Variants in ERBB4 observed in about 807,000 individuals in gnomAD.
ERBB4 encodes the protein receptor tyrosine-protein kinase erbB-4.
Under a neutral mutation model 158.0 loss-of-function variants are expected in ERBB4, and 42 were observed. The ratio of observed to expected loss-of-function variants is 0.27; its 90% CI spans 0.21 to 0.34. ERBB4 has a LOEUF of 0.34. Among genes scored for constraint, ERBB4 ranks in the 10% least tolerant of loss-of-function variants. ERBB4 has a pLI of 1.00. For missense variants in ERBB4, 1,333 were observed against 1,624.1 expected (o/e 0.82, Z 3.08); for synonymous variants, 583 against 558.7 (o/e 1.04, Z -0.61).
At chr2:212,026,200 C>T (rs1196039492) in intron 2 of ERBB4, among the ~76,000 whole-genome samples, 1 of 151,174 alleles carries the variant, frequency 6.6e-6, no homozygotes, top group Non-Finnish European at 1.5e-5. Flanking sequence ...AACATGTATT[C>T]AATAAATATT....
chr2:211,858,897 T>C (rs967117690), intron 3 of ERBB4, among the ~76,000 whole-genome samples: 1 of 152,172 alleles, frequency 6.6e-6, no homozygotes, highest in Non-Finnish European at 1.5e-5. Flanking sequence ...TTCTCCTGCC[T>C]TAGCCTCCCG....
At chr2:211,998,165 C>T (rs2076012070) in intron 2 of ERBB4, among the ~76,000 whole-genome samples, 1 of 151,564 alleles carries the variant, frequency 6.6e-6, no homozygotes, top group African/African-American at 2.4e-5. Context: ...CACATGTACC[C>T]TAAAACTTAA....
At chr2:211,871,527 T>C (rs1215497957) in intron 3 of ERBB4, among the ~76,000 whole-genome samples, 1 of 150,908 alleles carries the variant, frequency 6.6e-6, no homozygotes, top group Non-Finnish European at 1.5e-5. Context: ...AAAAACCCTC[T>C]AGTCATGGGT....
intron 4 of ERBB4, among the ~76,000 whole-genome samples, chr2:211,751,665 A>G (rs879303985): frequency 1.3e-5 from 2 of 152,194 alleles, no homozygotes; most frequent in Admixed American, 1.3e-4. Flanking sequence ...TATATTATAA[A>G]TATCATCAAA....
intron 3 of ERBB4, among the ~76,000 whole-genome samples, chr2:211,816,123 T>G (rs1387832677): frequency 1.3e-5 from 2 of 152,210 alleles, no homozygotes; most frequent in African/African-American, 4.8e-5. Context: ...GAGCCAATTC[T>G]CCCTAATAAA....
intron 3 of ERBB4, among the ~76,000 whole-genome samples, chr2:211,802,121 C>T (rs1172735861): frequency 6.6e-6 from 1 of 151,934 alleles, no homozygotes; most frequent in African/African-American, 2.4e-5. Flanking sequence ...TAGCCGGGTG[C>T]GGTGGCGGGC....
At chr2:211,949,718 TG>T (rs1378720526) in intron 2 of ERBB4, among the ~76,000 whole-genome samples, 1 of 152,158 alleles carries the variant, frequency 6.6e-6, no homozygotes. Context: ...CCTTTCATCT[TG>T]TTATCTTCTT....
At chr2:211,457,114 G>A (rs2064401747) in intron 20 of ERBB4, among the ~76,000 whole-genome samples, 1 of 152,132 alleles carries the variant, frequency 6.6e-6, no homozygotes, top group Non-Finnish European at 1.5e-5. Flanking sequence ...AAGAGTTTAA[G>A]ATTCTTAATT....
At chr2:212,139,046 G>C (rs1315465611) in intron 1 of ERBB4, among the ~76,000 whole-genome samples, 1 of 152,032 alleles carries the variant, frequency 6.6e-6, no homozygotes, top group African/African-American at 2.4e-5. Context: ...TTCCCATAAA[G>C]TTTCACTAAT....
intron 10 of ERBB4, 58 bp from the exon 11 acceptor site, chr2:211,704,252 G>GACAATGAATCAGAATTTC: frequency 9.4e-7 from 1 of 1,066,026 alleles, no homozygotes; most frequent in Non-Finnish European, 1.5e-6. Flanking sequence ...TATTAGTGCT[G>GACAATGAATCAGAATTTC]ATTTTTCTTG....
chr2:211,822,998 A>G (rs1355463776), intron 3 of ERBB4, among the ~76,000 whole-genome samples: 1 of 151,996 alleles, frequency 6.6e-6, no homozygotes, highest in African/African-American at 2.4e-5. Context: ...AAGAACTTCC[A>G]ATGCTGTTAC....
chr2:212,001,600 G>C (rs2076107244), intron 2 of ERBB4, among the ~76,000 whole-genome samples: 1 of 152,184 alleles, frequency 6.6e-6, no homozygotes, highest in Non-Finnish European at 1.5e-5. Flanking sequence ...ACCACAGTTA[G>C]ATGTGCTGTG....
At chr2:212,110,242 T>C (rs868785198) in intron 2 of ERBB4, among the ~76,000 whole-genome samples, 2 of 152,188 alleles carry the variant, frequency 1.3e-5, no homozygotes, top group African/African-American at 2.4e-5. Flanking sequence ...GTGGAGCTCA[T>C]TTAGCATTTG....
At chr2:212,161,190 C>A (rs2081192997) in intron 1 of ERBB4, among the ~76,000 whole-genome samples, 1 of 151,882 alleles carries the variant, frequency 6.6e-6, no homozygotes, top group African/African-American at 2.4e-5. Flanking sequence ...CAATTGAGAT[C>A]AGATCAAAAT....
chr2:212,207,588 T>C (rs12997387), intron 1 of ERBB4, among the ~76,000 whole-genome samples: 1 of 152,176 alleles, frequency 6.6e-6, no homozygotes, highest in Non-Finnish European at 1.5e-5. Flanking sequence ...AGAACAAGTA[T>C]AAGCAGTGAA....
chr2:211,397,104 A>G (rs1449241363), intron 25 of ERBB4, among the ~76,000 whole-genome samples: 1 of 152,160 alleles, frequency 6.6e-6, no homozygotes, highest in South Asian at 2.1e-4. Context: ...GCCAAAAAGA[A>G]TATCAGATTG....
At chr2:212,115,267 G>C (rs2079537419) in intron 2 of ERBB4, among the ~76,000 whole-genome samples, 7 of 151,424 alleles carry the variant, frequency 4.6e-5, no homozygotes, top group Admixed American at 4.6e-4. Context: ...TACTCTATGT[G>C]ACCAACGAGA....
chr2:212,524,217 T>C (rs1692324074), intron 1 of ERBB4, among the ~76,000 whole-genome samples: 1 of 152,040 alleles, frequency 6.6e-6, no homozygotes, highest in Non-Finnish European at 1.5e-5. Context: ...TAAGCTGACG[T>C]TCATAATTTC....
intron 2 of ERBB4, among the ~76,000 whole-genome samples, chr2:212,109,152 T>C (rs959691829): frequency 6.6e-6 from 1 of 152,180 alleles, no homozygotes; most frequent in African/African-American, 2.4e-5. Flanking sequence ...GCCTACAACA[T>C]GCCAGCATCT....
Sources: gnomAD v4.1 joint callset for allele counts (sites outside exome capture counted in the v4.1 genomes callset) on GRCh38, gnomAD v4.1.1 for gene constraint, MANE v1.5 for transcripts, NCBI Gene and HGNC (gene_info 2026-07-23, HGNC 2026-07-21) for gene names.